Variants in RSF1 observed in about 807,000 individuals in gnomAD.
RSF1 encodes remodeling and spacing factor 1.
RSF1 carries 13 observed loss-of-function variants against 145.2 expected under a neutral mutation model. That is an observed-to-expected ratio of 0.09 (90% CI 0.06 to 0.14). The LOEUF is 0.14. RSF1 is among the 10% of genes least tolerant of loss of function. The pLI is 1.00. For missense variants in RSF1, 1,517 were observed against 1,718.2 expected, an observed-to-expected ratio of 0.88 and a Z score of 2.07; for synonymous variants, 577 against 592.6, an observed-to-expected ratio of 0.97 and a Z score of 0.38.
intron 5 of RSF1, among the ~76,000 whole-genome samples, chr11:77,719,014 G>C (rs373186912): frequency 3.9e-5 from 6 of 151,992 alleles, no homozygotes; most frequent in Non-Finnish European, 5.9e-5. Flanking sequence ...GTTGGGAGAT[G>C]GGGGGGAGGA....
intron 3 of RSF1, 125 bp downstream of exon 3, chr11:77,746,911 T>TA (rs1341145104): frequency 5.5e-6 from 3 of 547,310 alleles, no homozygotes; most frequent in Non-Finnish European, 9.7e-6. Flanking sequence ...CACTAAAAAA[T>TA]AGACTCCATT....
At chr11:77,763,996 A>G (rs1175443418) in intron 2 of RSF1, 1 of 152,188 alleles carries the variant, frequency 6.6e-6, no homozygotes, top group East Asian at 1.9e-4. Flanking sequence ...TCTGGAAGTG[A>G]TGGGAGATAG....
At chr11:77,788,185 T>TA (rs771986764) in intron 1 of RSF1, among the ~76,000 whole-genome samples, 7,586 of 52,952 alleles carry the variant, frequency 0.14, 422 homozygotes, top group Admixed American at 0.23. Context: ...AAATTAGGGG[T>TA]AAAAAAAAAA....
chr11:77,708,245 C>T (rs1000375689), intron 5 of RSF1, among the ~76,000 whole-genome samples: 5 of 152,122 alleles, frequency 3.3e-5, no homozygotes, highest in African/African-American at 1.2e-4. Context: ...CATAATAAAA[C>T]CCGTCTCGAC....
At chr11:77,820,989 G>A (rs1948871683), upstream of RSF1, 2 of 513,144 alleles carry the variant, frequency 3.9e-6, no homozygotes, top group Non-Finnish European at 6.8e-6. Context: ...GCTTGCCACT[G>A]CCTCGTGTGA....
intron 1 of RSF1, among the ~76,000 whole-genome samples, chr11:77,765,047 G>A (rs1590874072): frequency 6.6e-6 from 1 of 152,040 alleles, no homozygotes; most frequent in Non-Finnish European, 1.5e-5. Context: ...AGTTGTATGA[G>A]TATGGGGACA....
the RSF1 span, chr11:77,855,531 G>A: frequency 1.1e-4 from 17 of 159,068 alleles, 1 homozygote; most frequent in East Asian, 9.5e-4. Flanking sequence ...GGGTGTCACC[G>A]TGTTAGCCAG....
rs59747840 is a variant in RSF1 at position 77,727,473 on chromosome 11, C to CTTTTT, written c.579-1779_579-1775dup. Among the ~76,000 whole-genome samples, 65 of 112,230 alleles carry CTTTTT rather than the reference C, an allele frequency of 5.8e-4. 1 individual carries two copies. Among genetic ancestry groups the CTTTTT allele is most frequent in the African/African-American group, 8.4e-4 (24 of 28,650 alleles). 73.6% of individuals were successfully genotyped at this position (112,230 alleles called of 152,430 possible). Reference sequence around the variant, plus strand: ...AAATCTATTTCAATTACTTCCACTACTTTTTTTTTTTTTTTTTTTTGAGAT... The same window carrying CTTTTT: ...AAATCTATTTCAATTACTTCCACTACTTTTTTTTTTTTTTTTTTTTTTTTTGAGAT... On this transcript the variant is annotated intron_variant, in intron 4 of 15. Transcript: ENST00000308488.
intron 9 of RSF1, among the ~76,000 whole-genome samples, chr11:77,687,617 G>A (rs1960044743): frequency 6.6e-6 from 1 of 152,082 alleles, no homozygotes; most frequent in African/African-American, 2.4e-5. Context: ...TGAGGTGGGA[G>A]GATCACTTAA....
chr11:77,794,634 G>A lies in RSF1; in HGVS notation c.187+25894C>T, dbSNP rs573921499. On this transcript the variant is annotated intron_variant, in intron 1 of 15. Transcript: ENST00000308488. Reference sequence around the variant, plus strand: ...TAAGATGGAGGTCAAAAACTTCCTTGAAACAAATTATCAATCTCTTCATGA... The same window carrying A: ...TAAGATGGAGGTCAAAAACTTCCTTAAAACAAATTATCAATCTCTTCATGA... 9.9e-5 allele frequency among the ~76,000 whole-genome samples: 15 copies of A among 152,076 alleles called. No individual in the cohort carries two copies. In the East Asian group the frequency reaches 2.9e-3, roughly 29 times the overall value.
rs909255486 is a variant in RSF1, at chr11:77,661,717, T to C, written c.*5200A>G. The C allele has an allele frequency of 2.0e-5, 3 of 151,830 alleles. No individual in the cohort carries two copies. The highest frequency in any genetic ancestry group is 7.3e-5 in the African/African-American group (3 of 41,332). The allele number at this position is 151,830 out of a possible 1,614,324, so 9.4% of individuals were successfully genotyped here. ...CCCACCTCCCATCCCTTAAAAGCTGTACAGTTATTTTTTTTAAAAAAAGGT... is the reference window on the plus strand; with the variant it reads ...CCCACCTCCCATCCCTTAAAAGCTGCACAGTTATTTTTTTTAAAAAAAGGT... On this transcript the variant is annotated 3_prime_UTR_variant, in exon 16 of 16. Transcript: ENST00000308488.
intron 15 of RSF1, among the ~76,000 whole-genome samples, chr11:77,670,713 C>A (rs1431940885): frequency 3.3e-5 from 5 of 152,106 alleles, no homozygotes; most frequent in Admixed American, 2.6e-4. Flanking sequence ...CACTTCCCTT[C>A]TTTAGCATCC....
rs1425560971 is a variant in RSF1 at position 77,670,591 on chromosome 11, TGC to T, written c.3751+1449_3751+1450del. Among the ~76,000 whole-genome samples the T allele has an allele frequency of 3.9e-5, 6 of 152,334 alleles. No individual in the cohort carries two copies. In the East Asian group the frequency reaches 1.2e-3, roughly 29 times the overall value. ...TATTTTGTTTGCTGTTATATTCCAGTGCTTGGAATAGGGCCTAGCTTAATAAA... is the reference window on the plus strand; with the variant it reads ...TATTTTGTTTGCTGTTATATTCCAGTTTGGAATAGGGCCTAGCTTAATAAA... On this transcript the variant is annotated intron_variant, in intron 15 of 15. Coordinates refer to ENST00000308488, the MANE Select transcript of RSF1 (RefSeq NM_016578.4).
chr11:77,759,119 C>G (rs1487481978), intron 2 of RSF1, among the ~76,000 whole-genome samples: 1 of 152,038 alleles, frequency 6.6e-6, no homozygotes, highest in Non-Finnish European at 1.5e-5. Flanking sequence ...GTGAATTTTT[C>G]TATATGATAT....
At chr11:77,805,056 CGTTT>C (rs1948663787) in intron 1 of RSF1, among the ~76,000 whole-genome samples, 2 of 152,060 alleles carry the variant, frequency 1.3e-5, no homozygotes, top group African/African-American at 2.4e-5. Flanking sequence ...TGGAAGTTCC[CGTTT>C]GTTTCTTTGT....
intron 7 of RSF1, 79 bp from the exon 8 acceptor site, chr11:77,693,690 T>G: frequency 4.3e-6 from 4 of 922,666 alleles, no homozygotes; most frequent in Non-Finnish European, 6.9e-6. Context: ...TCAATATCTC[T>G]GAGTACTATA....
intron 5 of RSF1, chr11:77,718,192 A>G (rs886318903): frequency 6.6e-6 from 1 of 152,196 alleles, no homozygotes; most frequent in African/African-American, 2.4e-5. Context: ...TGTAATCTCA[A>G]CTACTCGGGA....
At chr11:77,819,347 G>T (rs1316753119) in intron 1 of RSF1, among the ~76,000 whole-genome samples, 1 of 152,248 alleles carries the variant, frequency 6.6e-6, no homozygotes, top group South Asian at 2.1e-4. Context: ...AAAGAAAAGT[G>T]CCAGAAAAGG....
In RSF1 at chr11:77,661,483, T is replaced by C. The variant is rs1254817507; in HGVS notation, c.*5434A>G. The C allele has an allele frequency of 6.6e-6, 1 of 151,938 alleles. No individual in the cohort carries two copies. Among genetic ancestry groups the C allele is most frequent in the Non-Finnish European group, 1.5e-5 (1 of 67,972 alleles). The allele number at this position is 151,938 out of a possible 1,614,324, so 9.4% of individuals were successfully genotyped here. Reference sequence around the variant, plus strand: ...TGTGTGCAATTTTCATGCAGTGACCTTAAAGCTTTGGAGACAGGGCTTGTT... The same window carrying C: ...TGTGTGCAATTTTCATGCAGTGACCCTAAAGCTTTGGAGACAGGGCTTGTT... On this transcript the variant is annotated 3_prime_UTR_variant, in exon 16 of 16. Coordinates refer to ENST00000308488, the MANE Select transcript of RSF1 (RefSeq NM_016578.4).
Sources: allele counts gnomAD v4.1 joint callset (sites outside exome capture counted in the v4.1 genomes callset), GRCh38; gene constraint gnomAD v4.1.1; transcripts MANE v1.5; gene names NCBI Gene and HGNC (gene_info 2026-07-23, HGNC 2026-07-21).